Variants in HAPLN1 observed in about 807,000 individuals in gnomAD.
The protein encoded by HAPLN1 is Cartilage link protein.
HAPLN1 carries 13 observed loss-of-function variants against 36.5 expected under a neutral mutation model. That is an observed-to-expected ratio of 0.36 (90% CI 0.23 to 0.57). The LOEUF is 0.57. Among genes scored for constraint, HAPLN1 ranks in the 20% least tolerant of loss-of-function variants. HAPLN1 has a pLI of 0.83. For synonymous variants in HAPLN1, 202 were observed against 169.8 expected (o/e 1.19, Z -1.48); for missense variants, 407 against 439.7 (o/e 0.93, Z 0.66).
At chr5:83,714,274 T>C (rs1451180328) in intron 1 of HAPLN1, among the ~76,000 whole-genome samples, 1 of 152,106 alleles carries the variant, frequency 6.6e-6, no homozygotes, top group African/African-American at 2.4e-5. Flanking sequence ...AGAAATTTAA[T>C]AGGCTGTGAG....
chr5:83,656,508 T>C (rs1750221723), intron 2 of HAPLN1, among the ~76,000 whole-genome samples: 1 of 151,952 alleles, frequency 6.6e-6, no homozygotes. Flanking sequence ...CCCCTTTTCC[T>C]TTCAGTGTGA....
At chr5:83,686,936 CT>C (rs1751141200) in intron 1 of HAPLN1, among the ~76,000 whole-genome samples, 1 of 152,022 alleles carries the variant, frequency 6.6e-6, no homozygotes, top group Non-Finnish European at 1.5e-5. Context: ...AATTTTTATT[CT>C]GTAAAAATGC....
chr5:83,645,495 T>G (rs1450574705), intron 3 of HAPLN1, among the ~76,000 whole-genome samples: 1 of 146,656 alleles, frequency 6.8e-6, no homozygotes, highest in Non-Finnish European at 1.5e-5. Context: ...TTTTTTTAGC[T>G]CATCAGCTAT....
At chr5:83,661,609 T>G (rs762483897) in intron 2 of HAPLN1, among the ~76,000 whole-genome samples, 8 of 151,898 alleles carry the variant, frequency 5.3e-5, no homozygotes, top group Non-Finnish European at 1.2e-4. Flanking sequence ...CCCGCCCGGC[T>G]AATTTTTTGT....
At chr5:83,659,352 C>T (rs773151738) in intron 2 of HAPLN1, among the ~76,000 whole-genome samples, 5 of 151,890 alleles carry the variant, frequency 3.3e-5, no homozygotes, top group African/African-American at 4.8e-5. Flanking sequence ...CCTGAAGATA[C>T]AAAGGAGTAT....
intron 1 of HAPLN1, among the ~76,000 whole-genome samples, chr5:83,713,589 C>T (rs1226350982): frequency 6.6e-6 from 1 of 152,152 alleles, no homozygotes; most frequent in Non-Finnish European, 1.5e-5. Flanking sequence ...CATTTCCAGC[C>T]ATGACTTCTC....
intron 2 of HAPLN1, among the ~76,000 whole-genome samples, chr5:83,660,881 A>G (rs569829662): frequency 2.0e-5 from 3 of 152,308 alleles, no homozygotes; most frequent in East Asian, 3.9e-4. Context: ...AGTAATTCAC[A>G]TTGAAAACTT....
intron 1 of HAPLN1, among the ~76,000 whole-genome samples, chr5:83,681,316 G>A (rs1750992497): frequency 6.6e-6 from 1 of 152,044 alleles, no homozygotes; most frequent in South Asian, 2.1e-4. Flanking sequence ...GCATTTTAAA[G>A]CCATCAGAAG....
chr5:83,675,549 T>C (rs372416139), intron 1 of HAPLN1, among the ~76,000 whole-genome samples: 7 of 152,176 alleles, frequency 4.6e-5, no homozygotes, highest in South Asian at 4.1e-4. Flanking sequence ...CATCTTGAAT[T>C]TCATTCGTCT....
At chr5:83,663,419 G>A (rs1750466952) in intron 2 of HAPLN1, among the ~76,000 whole-genome samples, 1 of 152,146 alleles carries the variant, frequency 6.6e-6, no homozygotes, top group Non-Finnish European at 1.5e-5. Flanking sequence ...TGTCGGTATT[G>A]AGGGTCTTCA....
chr5:83,653,949 T>C (rs1288231304), intron 2 of HAPLN1, among the ~76,000 whole-genome samples: 3 of 152,274 alleles, frequency 2.0e-5, no homozygotes, highest in African/African-American at 7.2e-5. Context: ...CAGCTTTTAA[T>C]AGCTACCAAA....
At chr5:83,644,208 C>T (rs1001110701) in intron 4 of HAPLN1, among the ~76,000 whole-genome samples, 155 bp downstream of exon 4, 3 of 152,118 alleles carry the variant, frequency 2.0e-5, no homozygotes, top group African/African-American at 2.4e-5. Context: ...AATTATGACA[C>T]TCAAGAACTT....
At position 83,644,246 on chromosome 5, in the gene HAPLN1, CT is replaced by C. The variant is rs1019665534; in HGVS notation, c.775+116del. On this transcript the variant is annotated intron_variant, in intron 4 of 4. Coordinates refer to ENST00000274341, the MANE Select transcript of HAPLN1 (RefSeq NM_001884.4). The stretch of plus-strand genomic sequence containing the variant: ...TATATCTTTTTAAACTACAGCAAAA[CT>C]TCAAAGCTTGTTTTTGTTTGTTTTT... 15 of 853,608 alleles carry C rather than the reference CT, an allele frequency of 1.8e-5. No individual in the cohort carries two copies. In the African/African-American group the frequency reaches 2.5e-4, roughly 14 times the overall value. The allele number at this position is 853,608 out of a possible 1,614,324, so 52.9% of individuals were successfully genotyped here.
At chr5:83,681,738 A>G (rs1014658606) in intron 1 of HAPLN1, among the ~76,000 whole-genome samples, 4 of 152,176 alleles carry the variant, frequency 2.6e-5, no homozygotes, top group African/African-American at 9.7e-5. Context: ...ATCATTTGAA[A>G]TATATAGAAT....
chr5:83,662,416 T>C (rs1314159758), intron 2 of HAPLN1, among the ~76,000 whole-genome samples: 1 of 152,210 alleles, frequency 6.6e-6, no homozygotes, highest in East Asian at 1.9e-4. Flanking sequence ...TGGTTAATAA[T>C]TTTCAGAATT....
chr5:83,696,553 G>A (rs1405069585), intron 1 of HAPLN1, among the ~76,000 whole-genome samples: 1 of 152,004 alleles, frequency 6.6e-6, no homozygotes, highest in African/African-American at 2.4e-5. Context: ...AAGAGAGTAT[G>A]GTATTTGCAA....
At chr5:83,643,613 TTA>T (rs1205347767) in intron 4 of HAPLN1, among the ~76,000 whole-genome samples, 2 of 152,074 alleles carry the variant, frequency 1.3e-5, no homozygotes, top group Non-Finnish European at 1.5e-5. Flanking sequence ...TTTTTTCTTT[TTA>T]TTTATTTATT....
chr5:83,706,707 C>T (rs1409268367), intron 1 of HAPLN1, among the ~76,000 whole-genome samples: 1 of 152,156 alleles, frequency 6.6e-6, no homozygotes. Flanking sequence ...TTTTATTTAA[C>T]ATAGTATTGG....
chr5:83,673,740 CA>C, intron 1 of HAPLN1, 191 bp from the exon 2 acceptor site: 4 of 502,652 alleles, frequency 8.0e-6, no homozygotes. Flanking sequence ...CTGCTACCAT[CA>C]TGTAGCCAGA....
Sources: gnomAD v4.1 joint callset for allele counts (sites outside exome capture counted in the v4.1 genomes callset) on GRCh38, gnomAD v4.1.1 for gene constraint, MANE v1.5 for transcripts, NCBI Gene and HGNC (gene_info 2026-07-23, HGNC 2026-07-21) for gene names.